SHC3: variants seen among roughly 807,000 people sequenced by gnomAD.
The protein encoded by SHC3 is SHC-transforming protein 3.
A neutral mutation model predicts 60.4 loss-of-function variants in SHC3; 15 were observed. The ratio of observed to expected loss-of-function variants is 0.25; its 90% CI spans 0.17 to 0.38. SHC3 has a LOEUF of 0.38. Ranked by LOEUF, SHC3 falls within the 10% of genes least tolerant of loss-of-function variation. SHC3 has a pLI of 1.00. For missense variants in SHC3, 677 were observed against 786.1 expected (o/e 0.86, Z 1.66); for synonymous variants, 294 against 325.9 (o/e 0.90, Z 1.05).
chr9:89,063,768 T>C (rs1195324366), intron 6 of SHC3, among the ~76,000 whole-genome samples: 1 of 152,240 alleles, frequency 6.6e-6, no homozygotes, highest in Admixed American at 6.5e-5. Context: ...CTGACCCACA[T>C]TCTATTATAA....
chr9:89,098,865 G>T (rs970651568), intron 2 of SHC3, among the ~76,000 whole-genome samples: 1 of 151,940 alleles, frequency 6.6e-6, no homozygotes, highest in African/African-American at 2.4e-5. Context: ...TCAGCTACTC[G>T]GGAGGCTGAG....
At chr9:89,110,466 T>G in intron 2 of SHC3, 1 of 984,794 alleles carries the variant, frequency 1.0e-6, no homozygotes, top group East Asian at 1.1e-4. Flanking sequence ...TAATCACAGG[T>G]ATGTTGAACA....
intron 2 of SHC3, among the ~76,000 whole-genome samples, chr9:89,103,465 G>A (rs1324812372): frequency 1.3e-5 from 2 of 152,180 alleles, no homozygotes; most frequent in Non-Finnish European, 2.9e-5. Context: ...CAGGACTCAG[G>A]ACTCAGCAGC....
chr9:89,094,207 C>T (rs1825667682), intron 2 of SHC3, among the ~76,000 whole-genome samples: 1 of 152,006 alleles, frequency 6.6e-6, no homozygotes. Context: ...AGGCAGCAGG[C>T]TTGGGATGTA....
intron 1 of SHC3, among the ~76,000 whole-genome samples, chr9:89,131,493 G>A (rs1157167816): frequency 1.3e-5 from 2 of 152,210 alleles, no homozygotes; most frequent in South Asian, 2.1e-4. Flanking sequence ...GATGCACATC[G>A]ATGCAAAAAT....
intron 11 of SHC3, among the ~76,000 whole-genome samples, chr9:89,035,963 A>T (rs1824572716): frequency 6.6e-6 from 1 of 151,368 alleles, no homozygotes; most frequent in Admixed American, 6.6e-5. Flanking sequence ...GAAAGATAAA[A>T]CTATAAAGCT....
In SHC3 at chr9:89,022,422, G is replaced by A. The variant is rs572299321; in HGVS notation, c.1657-8847C>T. 9.2e-5 allele frequency among the ~76,000 whole-genome samples: 14 copies of A among 152,256 alleles called. No homozygotes were observed. The East Asian group carries it at 2.3e-3, about 25-fold the overall frequency. ...AGGTAGTCAAGGAAGTTTTTGGGAC[G>A]TGGCAACCGTGGGACGTACAGTCAA... On this transcript the variant is annotated intron_variant, in intron 11 of 11. Transcript: ENST00000375835.
At chr9:89,172,692 T>C (rs1826887356) in intron 1 of SHC3, among the ~76,000 whole-genome samples, 1 of 152,190 alleles carries the variant, frequency 6.6e-6, no homozygotes, top group Non-Finnish European at 1.5e-5. Flanking sequence ...CCACATACTA[T>C]AGAACTCTTA....
intron 3 of SHC3, 78 bp downstream of exon 3, chr9:89,077,762 G>T: frequency 6.6e-7 from 1 of 1,518,744 alleles, no homozygotes. Context: ...GAATAATTCT[G>T]TGTGACTGAA....
At chr9:89,102,657 A>G (rs1825799661) in intron 2 of SHC3, among the ~76,000 whole-genome samples, 1 of 152,226 alleles carries the variant, frequency 6.6e-6, no homozygotes, top group Non-Finnish European at 1.5e-5. Flanking sequence ...GTATGTCCCC[A>G]CTTAATGTCA....
In SHC3 at chr9:89,149,994, G is replaced by A. The variant is rs1826522764; in HGVS notation, c.474+27993C>T. On this transcript the variant is annotated intron_variant, in intron 1 of 11. Transcript: ENST00000375835. ...TCCCAGTTATCAGGCTGACTGTCAT[G>A]GTACTGCAGTGCTGGTGTTCAAGGA... 3.3e-5 allele frequency among the ~76,000 whole-genome samples: 5 copies of A among 152,098 alleles called. No homozygotes were observed. The South Asian group carries it at 1.0e-3, about 32-fold the overall frequency.
intron 6 of SHC3, among the ~76,000 whole-genome samples, chr9:89,059,342 AC>A (rs1825024972): frequency 1.9e-5 from 2 of 107,304 alleles, no homozygotes; most frequent in Admixed American, 9.2e-5. Flanking sequence ...GTGGTGGAGG[AC>A]GGTGGTGGAG....
intron 6 of SHC3, among the ~76,000 whole-genome samples, chr9:89,063,743 C>T (rs368352403): frequency 6.6e-6 from 1 of 152,374 alleles, no homozygotes; most frequent in Admixed American, 6.5e-5. Flanking sequence ...GACCAGCTGA[C>T]ACTTGCTTGA....
At chr9:89,077,631 C>A (rs1448996437) in intron 3 of SHC3, among the ~76,000 whole-genome samples, 4 of 152,204 alleles carry the variant, frequency 2.6e-5, no homozygotes, top group Non-Finnish European at 5.9e-5. Context: ...GAATGAGTAA[C>A]CAGGGTGTCT....
chr9:89,080,516 G>A (rs1825427222), intron 2 of SHC3, among the ~76,000 whole-genome samples: 1 of 151,812 alleles, frequency 6.6e-6, no homozygotes, highest in African/African-American at 2.4e-5. Flanking sequence ...CCATCCCAAG[G>A]CCCCACAAGG....
intron 7 of SHC3, among the ~76,000 whole-genome samples, chr9:89,048,340 C>T (rs1041763986): frequency 3.8e-4 from 57 of 151,298 alleles, no homozygotes; most frequent in African/African-American, 1.1e-3. Flanking sequence ...TTATTAAGAA[C>T]TCTAAAATGA....
intron 2 of SHC3, chr9:89,109,961 A>G: frequency 6.7e-5 from 66 of 985,384 alleles, no homozygotes; most frequent in Non-Finnish European, 7.8e-5. Context: ...ATTTATACCT[A>G]TGCCTCATTG....
chr9:89,157,417 C>T (rs531016268), intron 1 of SHC3, among the ~76,000 whole-genome samples: 160 of 152,310 alleles, frequency 1.1e-3, no homozygotes, highest in African/African-American at 2.7e-3. Flanking sequence ...AGACTCTCCC[C>T]GGAAGCCTCC....
At chr9:89,135,096 G>A (rs1479432811) in intron 1 of SHC3, among the ~76,000 whole-genome samples, 2 of 152,122 alleles carry the variant, frequency 1.3e-5, no homozygotes, top group East Asian at 1.9e-4. Context: ...ATTTGCATAA[G>A]TACAACAATC....
Sources: allele counts gnomAD v4.1 joint callset (sites outside exome capture counted in the v4.1 genomes callset), GRCh38; gene constraint gnomAD v4.1.1; transcripts MANE v1.5; gene names NCBI Gene and HGNC (gene_info 2026-07-23, HGNC 2026-07-21).